The following MEF2A variants were observed in gnomAD, a reference collection of about 807,000 sequenced individuals.
MEF2A encodes the protein myocyte enhancer factor 2A.
A neutral mutation model predicts 55.8 loss-of-function variants in MEF2A; 28 were observed. The ratio of observed to expected loss-of-function variants is 0.50; its 90% CI spans 0.37 to 0.69. The LOEUF is 0.69. MEF2A is among the 30% of genes least tolerant of loss of function. MEF2A has a pLI of 0.00. For missense variants in MEF2A, 528 were observed against 626.2 expected, an observed-to-expected ratio of 0.84 and a Z score of 1.67; for synonymous variants, 239 against 227.1, an observed-to-expected ratio of 1.05 and a Z score of -0.47.
rs1024405796 is a variant in MEF2A, at chr15:99,714,789, T to C, written c.*2018T>C. 8.0e-6 allele frequency: 1 copy of C among 124,880 alleles called. No individual in the cohort carries two copies. The highest frequency in any genetic ancestry group is 3.1e-5 in the African/African-American group (1 of 31,958). 7.7% of individuals were successfully genotyped at this position (124,880 alleles called of 1,614,324 possible). A position where few individuals can be genotyped will look rare whatever the true frequency, so the allele number is the denominator to read the frequency against. On this transcript the variant is annotated 3_prime_UTR_variant, in exon 12 of 12. Transcript: ENST00000557942. ...TGAGCAGCTACCTACAATTTCTATG[T>C]ACATTTTGTTCCCCCCCCCCCACCC...
intron 4 of MEF2A, among the ~76,000 whole-genome samples, chr15:99,670,440 C>G (rs1045214136): frequency 4.6e-5 from 7 of 151,954 alleles, no homozygotes; most frequent in African/African-American, 1.7e-4. Context: ...AACCCCATCT[C>G]TACTAAAAAT....
Position 99,674,526 on chromosome 15 carries a change from C to T in MEF2A, c.524C>T (p.Ser175Leu), listed in dbSNP as rs1271934645. The change falls in exon 6 of 12, where the codon TCA becomes TTA. Residue 175 changes from serine to leucine, a missense_variant. By Grantham distance (145) the Ser-to-Leu change is moderately radical. Transcript: ENST00000557942. ...SLAASSTLTD[S>L]SMLSPPQTTL... ...GCAGCCAGCTCAACGTTAACAGATT[C>T]AAGCATGCTCTCTCCACCTCAAACC... The T allele has an allele frequency of 6.2e-7, 1 of 1,613,954 alleles. No homozygotes were observed. Among genetic ancestry groups the T allele is most frequent in the Non-Finnish European group, 8.5e-7 (1 of 1,179,890 alleles).
At chr15:99,681,424 C>G (rs1381803291) in intron 7 of MEF2A, among the ~76,000 whole-genome samples, 1 of 152,088 alleles carries the variant, frequency 6.6e-6, no homozygotes, top group Non-Finnish European at 1.5e-5. Flanking sequence ...TGAAAGTGGC[C>G]ACCAGATTAT....
chr15:99,671,478 A>G, intron 5 of MEF2A, 24 bp downstream of exon 5: 3 of 1,613,884 alleles, frequency 1.9e-6, no homozygotes, highest in Non-Finnish European at 2.5e-6. Context: ...CTTTACCTCT[A>G]CTTTTTATTT....
intron 3 of MEF2A, among the ~76,000 whole-genome samples, chr15:99,634,341 T>C (rs185360800): frequency 5.3e-4 from 81 of 152,262 alleles, no homozygotes; most frequent in Non-Finnish European, 5.7e-4. Context: ...ACAGTATGAT[T>C]CATTATGAAG....
Position 99,589,796 on chromosome 15 carries a change from A to G in MEF2A, c.-224-8634A>G, listed in dbSNP as rs562561631. On this transcript the variant is annotated intron_variant, in intron 1 of 11. Coordinates refer to ENST00000557942, the MANE Select transcript of MEF2A (RefSeq NM_001319206.4). ...GTTTGGAAAATGTCCCAAAATAGAA[A>G]TGTCCCCCCCCAAAAAAGTGTCCTT... is the stretch of plus-strand genomic sequence containing the variant. Among the ~76,000 whole-genome samples the G allele has an allele frequency of 5.3e-5, 8 of 152,212 alleles. No individual in the cohort carries two copies. In the South Asian group the frequency reaches 1.5e-3, roughly 28 times the overall value.
In MEF2A at chr15:99,593,933, TA is replaced by T. The variant is rs1234553997; in HGVS notation, c.-224-4496del. Among the ~76,000 whole-genome samples the T allele has an allele frequency of 2.5e-4, 38 of 152,282 alleles. No homozygotes were observed. The East Asian group carries it at 2.5e-3, about 10-fold the overall frequency. On this transcript the variant is annotated intron_variant, in intron 1 of 11. Coordinates refer to ENST00000557942, the MANE Select transcript of MEF2A (RefSeq NM_001319206.4). ...TATTTGAGATAGGTAAAAAACAAAT[TA>T]TTTTTTTTTTGTACTCTTTCACACA...
At chr15:99,625,812 G>A (rs2041958867) in intron 2 of MEF2A, among the ~76,000 whole-genome samples, 1 of 152,038 alleles carries the variant, frequency 6.6e-6, no homozygotes, top group Non-Finnish European at 1.5e-5. Context: ...TGCGTTGCAG[G>A]AATAAATCCC....
intron 3 of MEF2A, among the ~76,000 whole-genome samples, chr15:99,635,900 G>T (rs927679912): frequency 6.6e-6 from 1 of 152,040 alleles, no homozygotes; most frequent in Non-Finnish European, 1.5e-5. Context: ...GAATATTCTC[G>T]ATAGTATACG....
intron 1 of MEF2A, among the ~76,000 whole-genome samples, chr15:99,595,205 C>T (rs1970742342): frequency 6.6e-6 from 1 of 152,150 alleles, no homozygotes; most frequent in African/African-American, 2.4e-5. Flanking sequence ...GTTGGCATTA[C>T]ATCAGGTAAT....
At chr15:99,567,908 G>A (rs144953610) in intron 1 of MEF2A, among the ~76,000 whole-genome samples, 288 of 152,236 alleles carry the variant, frequency 1.9e-3, no homozygotes, top group African/African-American at 6.0e-3. Context: ...TGATAATGGT[G>A]TTACAATAAT....
At chr15:99,677,199 G>A (rs138401487) in intron 7 of MEF2A, among the ~76,000 whole-genome samples, 3 of 152,160 alleles carry the variant, frequency 2.0e-5, no homozygotes, top group South Asian at 4.1e-4. Flanking sequence ...CACATAAGCT[G>A]AACTAGGCAC....
intron 1 of MEF2A, among the ~76,000 whole-genome samples, chr15:99,592,158 A>C (rs1004282810): frequency 6.6e-6 from 1 of 152,174 alleles, no homozygotes; most frequent in Admixed American, 6.5e-5. Context: ...TTGTTCTGGC[A>C]GATCTAGTGT....
intron 1 of MEF2A, among the ~76,000 whole-genome samples, chr15:99,573,806 A>G (rs762251203): frequency 6.6e-5 from 10 of 152,224 alleles, no homozygotes; most frequent in Non-Finnish European, 1.3e-4. Context: ...GTCATTCCCC[A>G]TTCTAAATAG....
intron 4 of MEF2A, among the ~76,000 whole-genome samples, chr15:99,654,159 T>C (rs2153530936): frequency 6.6e-6 from 1 of 152,282 alleles, no homozygotes; most frequent in South Asian, 2.1e-4. Flanking sequence ...CTATCAGTTT[T>C]GTGCTGTAGG....
At chr15:99,625,397 G>A (rs766273678) in intron 2 of MEF2A, among the ~76,000 whole-genome samples, 2 of 152,064 alleles carry the variant, frequency 1.3e-5, no homozygotes, top group Non-Finnish European at 2.9e-5. Context: ...GATTCTAGGG[G>A]ACAAAAGACA....
intron 9 of MEF2A, among the ~76,000 whole-genome samples, chr15:99,706,084 A>C (rs984104448): frequency 1.5e-4 from 23 of 152,328 alleles, no homozygotes; most frequent in African/African-American, 5.3e-4. Flanking sequence ...AAAAGCATTT[A>C]ATATTGCTCT....
rs1246144047 is a variant in MEF2A at position 99,712,602 on chromosome 15, G to T, written c.1349G>T (p.Arg450Leu). The change falls in exon 12 of 12, where the codon CGC (arginine) becomes CTC (leucine). Residue 450 changes from arginine to leucine, a missense_variant. Physicochemically the swap from Arg to Leu is moderately radical, Grantham distance 102. Around this residue, in one of 2 missense-constraint regions of MEF2A, gnomAD observed 450 missense variants for 475.3 expected, o/e 0.95. Coordinates refer to ENST00000557942, the MANE Select transcript of MEF2A (RefSeq NM_001319206.4). The surrounding 1 kb of genome is among the most constrained non-coding windows in gnomAD (Gnocchi z 4.1). ...CCCCAGCCCCGACAGGAAATGGGGC[G>T]CTCCCCTGTGGACAGTCTGAGCAGC... The part of the protein sequence containing the change: ...PQPQPRQEMG[R>L]SPVDSLSSSS... 3.9e-6 allele frequency: 6 copies of T among 1,551,676 alleles called. No individual in the cohort carries two copies. The highest frequency in any genetic ancestry group is 5.2e-6 in the Non-Finnish European group (6 of 1,147,008).
At chr15:99,618,664 A>T (rs563337774) in intron 2 of MEF2A, among the ~76,000 whole-genome samples, 1 of 152,222 alleles carries the variant, frequency 6.6e-6, no homozygotes, top group South Asian at 2.1e-4. Context: ...ATCTATGTTT[A>T]TATAGATGTG....
Sources: gnomAD v4.1 joint callset for allele counts (sites outside exome capture counted in the v4.1 genomes callset) on GRCh38, gnomAD v4.1.1 for gene constraint, gnomAD v4.1.1 regional missense constraint, Gnocchi (gnomAD v3.1) non-coding constraint, MANE v1.5 for transcripts, NCBI Gene and HGNC (gene_info 2026-07-23, HGNC 2026-07-21) for gene names.